Variants in MYO9B observed in about 807,000 individuals in gnomAD.
MYO9B encodes unconventional myosin-IXb.
In MYO9B, 71 loss-of-function variants were observed where a neutral mutation model predicts 229.5. The observed-to-expected ratio is 0.31, with a 90% CI of 0.26 to 0.38. The LOEUF (loss-of-function observed/expected upper bound fraction) is 0.38. Among genes scored for constraint, MYO9B ranks in the 10% least tolerant of loss-of-function variants. MYO9B has a pLI of 1.00. For missense variants in MYO9B, 2,255 were observed against 2,920.5 expected (o/e 0.77, Z 5.25); for synonymous variants, 1,185 against 1,235.8 (o/e 0.96, Z 0.86).
At position 17,172,861 on chromosome 19, in the gene MYO9B, G is replaced by A; in HGVS notation, c.2038G>A (p.Val680Met). ...GCGGGAGCTCATCGGCATGGACCCC[G>A]TGGCCGTGTTCCGCTGGGCCGTGCT... ...YVRELIGMDP[V>M]AVFRWAVLRA... is the part of the protein sequence containing the mutation. Residue 680 changes from valine to methionine, a missense_variant, in exon 13 of 40, where the codon GTG becomes ATG. Val to Met is a conservative substitution (Grantham distance 21). Coordinates refer to ENST00000682292, the MANE Select transcript of MYO9B (RefSeq NM_004145.4). This position sits in a 1 kb window ranked among gnomAD's most constrained non-coding sequence, Gnocchi z 8.2. The A allele has an allele frequency of 6.2e-7, 1 of 1,608,846 alleles. No individual in the cohort carries two copies. Among genetic ancestry groups the A allele is most frequent in the Non-Finnish European group, 8.5e-7 (1 of 1,179,790 alleles).
chr19:17,120,789 G>C (rs1438509159), intron 2 of MYO9B, among the ~76,000 whole-genome samples: 1 of 151,772 alleles, frequency 6.6e-6, no homozygotes, highest in Non-Finnish European at 1.5e-5. Context: ...ATGTTCTGGA[G>C]AGAGAGAGAG....
chr19:17,205,558 C>A (rs1175696911), intron 31 of MYO9B, among the ~76,000 whole-genome samples: 1 of 152,212 alleles, frequency 6.6e-6, no homozygotes, highest in Non-Finnish European at 1.5e-5. Flanking sequence ...TCAGCTCCCC[C>A]AGCCCTGCTC....
chr19:17,169,499 A>G (rs1309966707), intron 11 of MYO9B, among the ~76,000 whole-genome samples: 1 of 152,130 alleles, frequency 6.6e-6, no homozygotes, highest in Non-Finnish European at 1.5e-5. Context: ...GGTGCCTATA[A>G]TTCCAGCTAC....
Position 17,172,556 on chromosome 19 carries a change from C to T in MYO9B, c.1935+79C>T. 6.4e-7 allele frequency: 1 copy of T among 1,568,126 alleles called. No individual in the cohort carries two copies. Among genetic ancestry groups the T allele is most frequent in the Non-Finnish European group, 8.6e-7 (1 of 1,156,338 alleles). ...CCAGAAGCCCATGTGGGAGGATCCT[C>T]CTGTGGGCGAGGTTCCAGGGTGCTC... On this transcript the variant is annotated intron_variant, in intron 12 of 39. Coordinates refer to ENST00000682292, the MANE Select transcript of MYO9B (RefSeq NM_004145.4). The surrounding 1 kb of genome is among the most constrained non-coding windows in gnomAD (Gnocchi z 8.2).
intron 1 of MYO9B, among the ~76,000 whole-genome samples, chr19:17,083,416 G>A (rs557329153): frequency 2.0e-4 from 30 of 152,216 alleles, no homozygotes; most frequent in African/African-American, 6.5e-4. Flanking sequence ...AGCAGCTGCC[G>A]TCTGCACTGT....
At chr19:17,152,506 T>C (rs1473598452) in intron 3 of MYO9B, 138 bp from the exon 4 acceptor site, 1 of 627,964 alleles carries the variant, frequency 1.6e-6, no homozygotes, top group Non-Finnish European at 2.6e-6. Flanking sequence ...GAGGTTGCAG[T>C]GAGCCGAGAT....
At chr19:17,209,225 G>T (rs181797334) in intron 35 of MYO9B, among the ~76,000 whole-genome samples, 75 of 152,340 alleles carry the variant, frequency 4.9e-4, no homozygotes, top group African/African-American at 1.6e-3. Context: ...GGCATACTGT[G>T]GGTCAGCCCA....
chr19:17,122,306 A>AGG (rs934112759), intron 2 of MYO9B, among the ~76,000 whole-genome samples: 1 of 152,122 alleles, frequency 6.6e-6, no homozygotes, highest in Non-Finnish European at 1.5e-5. Context: ...TGGGAGTAAG[A>AGG]GGGGGGCAGA....
intron 24 of MYO9B, among the ~76,000 whole-genome samples, chr19:17,198,712 G>T (rs1234622305): frequency 1.4e-5 from 2 of 145,878 alleles, no homozygotes; most frequent in African/African-American, 5.1e-5. Flanking sequence ...TCCAGCCTGG[G>T]TGACAGAGGG....
intron 1 of MYO9B, among the ~76,000 whole-genome samples, chr19:17,085,472 T>G (rs1380227545): frequency 3.2e-4 from 48 of 151,496 alleles, no homozygotes. Context: ...GGGGGGTCTT[T>G]GGGGGAATCA....
chr19:17,183,882 C>A lies in MYO9B; in HGVS notation c.2373+14C>A, dbSNP rs202112430. ...ATCATTCCAAAGGTAAAAAAAAAAA[C>A]ACACCCCGCGCGACACGTTCCAAGA... On this transcript the variant is annotated intron_variant, in intron 16 of 39. Coordinates refer to ENST00000682292, the MANE Select transcript of MYO9B (RefSeq NM_004145.4). The A allele has an allele frequency of 1.2e-5, 19 of 1,540,604 alleles. No homozygotes were observed. Among genetic ancestry groups the A allele is most frequent in the East Asian group, 2.4e-5 (1 of 42,528 alleles).
chr19:17,209,669 G>A lies in MYO9B; in HGVS notation c.5708G>A (p.Ser1903Asn). The change falls in exon 36 of 40, where the codon AGT (serine) becomes AAT (asparagine). Residue 1903 changes from serine to asparagine, a missense_variant. Ser to Asn is a conservative substitution (Grantham distance 46, BLOSUM62 1). This residue lies in a region of MYO9B where 416 missense variants were observed against 605.5 expected (regional missense o/e 0.69). Transcript: ENST00000682292. ...EEISQLEAAESIAFRRLSLLR... is the reference protein window; with the variant it reads ...EEISQLEAAENIAFRRLSLLR... ...ATCAGCCAACTGGAGGCTGCAGAGAGTATCGCCTTCCGCAGGCTTTCGCTC... is the reference window on the plus strand; with the variant it reads ...ATCAGCCAACTGGAGGCTGCAGAGAATATCGCCTTCCGCAGGCTTTCGCTC... The A allele has an allele frequency of 6.2e-7, 1 of 1,613,218 alleles. No homozygotes were observed. The highest frequency in any genetic ancestry group is 8.5e-7 in the Non-Finnish European group (1 of 1,179,582).
At chr19:17,170,647 CAAAAAA>C (rs55894910) in intron 11 of MYO9B, among the ~76,000 whole-genome samples, 1 of 88,840 alleles carries the variant, frequency 1.1e-5, no homozygotes, top group Admixed American at 1.3e-4. Context: ...CCCATCTCTA[CAAAAAA>C]AAAAAAAAAA....
intron 1 of MYO9B, among the ~76,000 whole-genome samples, chr19:17,087,945 C>T (rs1269819370): frequency 3.7e-5 from 5 of 133,408 alleles, no homozygotes; most frequent in South Asian, 2.3e-4. Flanking sequence ...AAAAAAAAAA[C>T]GAAAATTAGC....
At chr19:17,186,449 C>A (rs994110996) in intron 18 of MYO9B, among the ~76,000 whole-genome samples, 1 of 152,140 alleles carries the variant, frequency 6.6e-6, no homozygotes, top group Non-Finnish European at 1.5e-5. Context: ...CCCCAGAGGT[C>A]CACTCCATCC....
At chr19:17,187,419 G>C (rs1201368253) in intron 18 of MYO9B, among the ~76,000 whole-genome samples, 1 of 151,448 alleles carries the variant, frequency 6.6e-6, no homozygotes, top group Non-Finnish European at 1.5e-5. Context: ...ACTGGGCTTT[G>C]TCCGCCCCAT....
chr19:17,128,916 G>A (rs551825060), intron 2 of MYO9B, among the ~76,000 whole-genome samples: 15 of 152,330 alleles, frequency 9.8e-5, no homozygotes, highest in African/African-American at 3.4e-4. Flanking sequence ...TTTAGGCTCT[G>A]TGGTGGCTCG....
Position 17,211,905 on chromosome 19 carries a change from G to C in MYO9B, c.6069G>C (p.Ala2023=), listed in dbSNP as rs375938399. 1 of 1,580,152 alleles carries C rather than the reference G, an allele frequency of 6.3e-7. No individual in the cohort carries two copies. Among genetic ancestry groups the C allele is most frequent in the Non-Finnish European group, 8.6e-7 (1 of 1,161,642 alleles). Reference sequence around the variant, plus strand: ...TCTGTCTCTCAAAAGGGCCCCCTGCGCCTGCTCTCCCTTGCCCCGGCGCGC... The same window carrying C: ...TCTGTCTCTCAAAAGGGCCCCCTGCCCCTGCTCTCCCTTGCCCCGGCGCGC... ...AGRGASEGPP[A]PALPCPGAPT... The change falls in exon 40 of 40, where the codon GCG becomes GCC. Residue 2023 remains alanine, a synonymous_variant. Coordinates refer to ENST00000682292, the MANE Select transcript of MYO9B (RefSeq NM_004145.4).
In MYO9B at chr19:17,172,623, A is replaced by G. The variant is rs1009960909; in HGVS notation, c.1936-136A>G. 6 of 1,456,992 alleles carry G rather than the reference A, an allele frequency of 4.1e-6. No homozygotes were observed. Among genetic ancestry groups the G allele is most frequent in the Non-Finnish European group, 5.6e-6 (6 of 1,066,036 alleles). The allele number at this position is 1,456,992 out of a possible 1,614,324, so 90.3% of individuals were successfully genotyped here. ...CCCCGGCTCCAATGTCCAAGGCGCC[A>G]TAGTTCAAGAACTGCCATTTGCACT... On this transcript the variant is annotated intron_variant, in intron 12 of 39. Transcript: ENST00000682292. The surrounding 1 kb of genome is among the most constrained non-coding windows in gnomAD (Gnocchi z 8.2).
Sources: allele counts gnomAD v4.1 joint callset (sites outside exome capture counted in the v4.1 genomes callset), GRCh38; gene constraint gnomAD v4.1.1; regional missense constraint gnomAD v4.1.1; non-coding constraint Gnocchi (gnomAD v3.1); transcripts MANE v1.5; gene names NCBI Gene and HGNC (gene_info 2026-07-23, HGNC 2026-07-21).